Variants in PCDH17 observed in about 807,000 individuals in gnomAD.
PCDH17 encodes protocadherin 17.
A neutral mutation model predicts 67.7 loss-of-function variants in PCDH17; 21 were observed. That is an observed-to-expected ratio of 0.31 (90% CI 0.22 to 0.45). The LOEUF (loss-of-function observed/expected upper bound fraction) is 0.45, where lower values mean the gene tolerates loss of function less well. PCDH17 is among the 20% of genes least tolerant of loss of function. The probability of loss-of-function intolerance (pLI) is 1.00; values close to 1 mark genes in which losing one functional copy is unlikely to be tolerated. For missense variants in PCDH17, 1,471 were observed against 1,564.8 expected (o/e 0.94, Z 1.01); for synonymous variants, 701 against 656.7 (o/e 1.07, Z -1.03).
At chr13:57,650,305 G>A (rs868611372) in intron 1 of PCDH17, among the ~76,000 whole-genome samples, 1 of 150,916 alleles carries the variant, frequency 6.6e-6, no homozygotes, top group African/African-American at 2.4e-5. Context: ...CTGAGACCAC[G>A]TGCCTGTAGG....
intron 3 of PCDH17, among the ~76,000 whole-genome samples, chr13:57,700,195 G>T (rs942893045): frequency 2.0e-5 from 3 of 151,864 alleles, no homozygotes; most frequent in African/African-American, 7.3e-5. Context: ...TTCTTATTTT[G>T]CCCCTAAGTT....
At chr13:57,718,050 A>T (rs928059769) in intron 3 of PCDH17, among the ~76,000 whole-genome samples, 1 of 152,004 alleles carries the variant, frequency 6.6e-6, no homozygotes, top group Admixed American at 6.6e-5. Flanking sequence ...AAGCAGCAAG[A>T]CATTCCATAT....
At chr13:57,688,064 C>T (rs985252311) in intron 3 of PCDH17, among the ~76,000 whole-genome samples, 4 of 151,982 alleles carry the variant, frequency 2.6e-5, no homozygotes, top group African/African-American at 7.2e-5. Context: ...AAGCTTAATT[C>T]AATCATTCTC....
chr13:57,680,761 T>C (rs1216997001), intron 3 of PCDH17, among the ~76,000 whole-genome samples: 2 of 151,706 alleles, frequency 1.3e-5, no homozygotes, highest in Non-Finnish European at 1.5e-5. Context: ...CCAAGACTTT[T>C]ATTGAAATTA....
chr13:57,715,506 GA>G (rs1215964588), intron 3 of PCDH17, among the ~76,000 whole-genome samples: 9 of 151,788 alleles, frequency 5.9e-5, no homozygotes, highest in African/African-American at 1.2e-4. Flanking sequence ...AAATAATAAG[GA>G]ATGCAGAGTA....
At chr13:57,648,322 T>A (rs1234990308) in intron 1 of PCDH17, among the ~76,000 whole-genome samples, 1 of 151,956 alleles carries the variant, frequency 6.6e-6, no homozygotes, top group Non-Finnish European at 1.5e-5. Flanking sequence ...GGAAAACAGA[T>A]AAAAGGTGCA....
At chr13:57,695,700 G>A (rs1022358818) in intron 3 of PCDH17, among the ~76,000 whole-genome samples, 7 of 151,302 alleles carry the variant, frequency 4.6e-5, no homozygotes, top group South Asian at 2.1e-4. Flanking sequence ...AAATGTTATG[G>A]ACCAATGTGG....
rs372242553 is a variant in PCDH17 at position 57,635,222 on chromosome 13, ATAAT to A, written c.2565+115_2565+118del. On this transcript the variant is annotated intron_variant, in intron 1 of 3. Transcript: ENST00000377918. ...CTGCCAGCAGCAGTGAGGGGGAAAA[ATAAT>A]TAAATGAAAACGGTTTACACTTTTG... 2.6e-5 allele frequency: 29 copies of A among 1,097,514 alleles called. 1 individual carries two copies. The highest frequency in any genetic ancestry group is 2.5e-4 in the African/African-American group (16 of 63,330). The allele number at this position is 1,097,514 out of a possible 1,614,324, so 68.0% of individuals were successfully genotyped here.
intron 1 of PCDH17, among the ~76,000 whole-genome samples, chr13:57,636,712 A>G (rs1469887174): frequency 2.0e-5 from 3 of 152,182 alleles, no homozygotes; most frequent in Non-Finnish European, 4.4e-5. Flanking sequence ...TATGATAATC[A>G]ATACGTATTT....
chr13:57,652,563 G>T (rs1289822298), intron 1 of PCDH17, among the ~76,000 whole-genome samples: 1 of 152,134 alleles, frequency 6.6e-6, no homozygotes, highest in African/African-American at 2.4e-5. Flanking sequence ...TTTATGGAGA[G>T]AGGCCTTTTA....
intron 3 of PCDH17, among the ~76,000 whole-genome samples, chr13:57,673,343 C>T (rs985310217): frequency 2.7e-4 from 41 of 151,986 alleles, no homozygotes; most frequent in Admixed American, 1.4e-3. Flanking sequence ...CTACTCAAGA[C>T]TTGATGGGCT....
At chr13:57,718,251 G>T (rs1489921957) in intron 3 of PCDH17, among the ~76,000 whole-genome samples, 3 of 151,790 alleles carry the variant, frequency 2.0e-5, no homozygotes, top group Non-Finnish European at 2.9e-5. Flanking sequence ...TATTAAAAAT[G>T]GTGTTAAAAT....
At chr13:57,665,948 A>G (rs1448717958) in intron 1 of PCDH17, among the ~76,000 whole-genome samples, 1 of 152,198 alleles carries the variant, frequency 6.6e-6, no homozygotes, top group Non-Finnish European at 1.5e-5. Flanking sequence ...AATGAGTTCA[A>G]CCATATGTGA....
At chr13:57,719,737 T>C (rs1955857573) in intron 3 of PCDH17, among the ~76,000 whole-genome samples, 1 of 152,006 alleles carries the variant, frequency 6.6e-6, no homozygotes, top group East Asian at 1.9e-4. Context: ...CTCTCCAAAG[T>C]AAGACTTTTT....
At chr13:57,648,452 G>GT (rs1188149381) in intron 1 of PCDH17, among the ~76,000 whole-genome samples, 3 of 151,840 alleles carry the variant, frequency 2.0e-5, no homozygotes, top group Non-Finnish European at 2.9e-5. Flanking sequence ...TTCAAAGTCT[G>GT]TATTTTCAAG....
chr13:57,689,156 A>G (rs4353386), intron 3 of PCDH17, among the ~76,000 whole-genome samples: 56,285 of 151,938 alleles, frequency 0.37, 11,540 homozygotes, highest in Middle Eastern at 0.56. Flanking sequence ...TCATTCAACA[A>G]CTTTTTCTGA....
In PCDH17 at chr13:57,725,329, G is replaced by T. The variant is rs1312529292; in HGVS notation, c.*35G>T. On this transcript the variant is annotated 3_prime_UTR_variant, in exon 4 of 4. Transcript: ENST00000377918. Reference sequence around the variant, plus strand: ...AAAAAAAAGGCATTGGCATTTTCTTGTCTCTTCTGTTGATTTAAAAATGAT... The same window carrying T: ...AAAAAAAAGGCATTGGCATTTTCTTTTCTCTTCTGTTGATTTAAAAATGAT... The T allele has an allele frequency of 1.3e-6, 2 of 1,543,242 alleles. No homozygotes were observed. The highest frequency in any genetic ancestry group is 1.8e-6 in the Non-Finnish European group (2 of 1,137,868).
chr13:57,701,901 C>T lies in PCDH17; in HGVS notation c.2798-22711C>T, dbSNP rs569080089. Among the ~76,000 whole-genome samples, 21 of 151,948 alleles carry T rather than the reference C, an allele frequency of 1.4e-4. 1 individual carries two copies. The South Asian group carries it at 4.4e-3, about 32-fold the overall frequency. On this transcript the variant is annotated intron_variant, in intron 3 of 3. Transcript: ENST00000377918. The stretch of plus-strand genomic sequence containing the variant: ...TTAAAGTTTTTAAGTGTATTAAAAA[C>T]AACAGCAACAACAATAACTGTACGG...
intron 3 of PCDH17, among the ~76,000 whole-genome samples, chr13:57,670,857 T>C (rs1230106124): frequency 6.6e-6 from 1 of 151,894 alleles, no homozygotes; most frequent in Non-Finnish European, 1.5e-5. Context: ...TTAGTTTAAT[T>C]CCAAATACAT....
Sources: gnomAD v4.1 joint callset for allele counts (sites outside exome capture counted in the v4.1 genomes callset) on GRCh38, gnomAD v4.1.1 for gene constraint, MANE v1.5 for transcripts, NCBI Gene and HGNC (gene_info 2026-07-23, HGNC 2026-07-21) for gene names.